Variants in TTC7A observed in about 807,000 individuals in gnomAD.
The protein encoded by TTC7A is tetratricopeptide repeat domain 7A.
In TTC7A, 110 loss-of-function variants were observed where a neutral mutation model predicts 103.7. The observed-to-expected ratio is 1.06, with a 90% CI of 0.91 to 1.24. TTC7A has a LOEUF of 1.24. Ranked by LOEUF, TTC7A falls within the 50% of genes most tolerant of loss-of-function variation. The pLI is 0.00. For synonymous variants in TTC7A, 521 were observed against 467.9 expected (o/e 1.11, Z -1.47); for missense variants, 1,340 against 1,116.3 (o/e 1.20, Z -2.86).
At chr2:46,958,605 C>A in intron 3 of TTC7A, 1 of 1,233,724 alleles carries the variant, frequency 8.1e-7, no homozygotes, top group Non-Finnish European at 1.1e-6. Flanking sequence ...GCTGTGCTAG[C>A]TCCCGTTCCC....
intron 2 of TTC7A, among the ~76,000 whole-genome samples, chr2:46,953,123 G>A (rs1406593272): frequency 6.6e-6 from 1 of 152,152 alleles, no homozygotes; most frequent in Non-Finnish European, 1.5e-5. Flanking sequence ...AAAACTTAAT[G>A]ATGATCTGTA....
intron 2 of TTC7A, among the ~76,000 whole-genome samples, chr2:46,951,888 A>G (rs1248210625): frequency 6.6e-6 from 1 of 152,244 alleles, no homozygotes; most frequent in Non-Finnish European, 1.5e-5. Flanking sequence ...TCAGCAAGTA[A>G]ATAGCCTTCC....
intron 14 of TTC7A, among the ~76,000 whole-genome samples, chr2:47,024,979 C>A (rs1004938104): frequency 6.6e-6 from 1 of 152,202 alleles, no homozygotes; most frequent in African/African-American, 2.4e-5. Flanking sequence ...GCGCCTCAGC[C>A]TGCAGGCTGG....
At chr2:47,024,403 T>G (rs1297079568) in intron 14 of TTC7A, 44 bp downstream of exon 14, 1 of 1,547,676 alleles carries the variant, frequency 6.5e-7, no homozygotes, top group African/African-American at 1.4e-5. Flanking sequence ...CGGGGGCTGC[T>G]GATCTTCTCC....
intron 19 of TTC7A, among the ~76,000 whole-genome samples, chr2:47,061,435 A>G (rs1683773624): frequency 6.6e-6 from 1 of 152,038 alleles, no homozygotes; most frequent in African/African-American, 2.4e-5. Context: ...GGTGGGATTC[A>G]GGGGGTTTTC....
intron 4 of TTC7A, among the ~76,000 whole-genome samples, chr2:46,977,546 C>G (rs1224107183): frequency 2.0e-5 from 3 of 152,178 alleles, no homozygotes; most frequent in Admixed American, 1.3e-4. Flanking sequence ...AGAGGGCTCT[C>G]AATTCTCTGG....
At chr2:47,059,874 G>T (rs983663851) in intron 18 of TTC7A, among the ~76,000 whole-genome samples, 1 of 152,150 alleles carries the variant, frequency 6.6e-6, no homozygotes, top group Non-Finnish European at 1.5e-5. Context: ...AAAAGTACTT[G>T]TGCAAGGTGC....
Position 46,995,137 on chromosome 2 carries a change from C to T in TTC7A, c.1003C>T (p.Leu335Phe), listed in dbSNP as rs1676046626. ...RKPHLYEGDNLYCPKDNIEEA... is the reference protein window; with the variant it reads ...RKPHLYEGDNFYCPKDNIEEA... ...AGGCCTGTCATTGGTGTCTTTCAGCCTCTACTGCCCCAAGGACAACATCGA... is the reference window on the plus strand; with the variant it reads ...AGGCCTGTCATTGGTGTCTTTCAGCTTCTACTGCCCCAAGGACAACATCGA... Residue 335 changes from leucine to phenylalanine, a missense_variant and splice_region_variant, in exon 8 of 20, where the codon CTC becomes TTC. By Grantham distance (22) the Leu-to-Phe change is conservative. Transcript: ENST00000319190. 4 of 1,614,058 alleles carry T rather than the reference C, an allele frequency of 2.5e-6. No individual in the cohort carries two copies. The African/African-American group carries it at 4.0e-5, about 16-fold the overall frequency.
intron 18 of TTC7A, among the ~76,000 whole-genome samples, chr2:47,057,687 C>A (rs1446434000): frequency 6.6e-6 from 1 of 152,192 alleles, no homozygotes; most frequent in African/African-American, 2.4e-5. Context: ...CACACACTTC[C>A]TTCTGCTTCT....
At chr2:46,974,454 G>A (rs1673657232) in intron 3 of TTC7A, among the ~76,000 whole-genome samples, 1 of 152,178 alleles carries the variant, frequency 6.6e-6, no homozygotes, top group Non-Finnish European at 1.5e-5. Flanking sequence ...ACTTTAGGAT[G>A]TAAATTGACT....
chr2:46,965,455 G>T (rs543910299), intron 3 of TTC7A, among the ~76,000 whole-genome samples: 51 of 152,294 alleles, frequency 3.3e-4, no homozygotes, highest in African/African-American at 1.2e-3. Context: ...GGAGAAGGAG[G>T]AGCAGGCTGC....
chr2:46,922,627 A>G (rs768305049), intron 2 of TTC7A, among the ~76,000 whole-genome samples: 122 of 152,138 alleles, frequency 8.0e-4, no homozygotes, highest in Admixed American at 1.8e-3. Flanking sequence ...TCTGGTTCAT[A>G]TGTACTTCAA....
chr2:46,994,616 T>G, intron 7 of TTC7A, 102 bp downstream of exon 7: 2 of 1,224,076 alleles, frequency 1.6e-6, no homozygotes, highest in Non-Finnish European at 2.3e-6. Context: ...TCCTCCAGTC[T>G]CCACTCAGCA....
intron 3 of TTC7A, among the ~76,000 whole-genome samples, chr2:46,959,725 C>G (rs1672208091): frequency 6.6e-6 from 1 of 152,218 alleles, no homozygotes; most frequent in African/African-American, 2.4e-5. Flanking sequence ...TGAAATGTGC[C>G]TCTGTGTGTT....
chr2:47,061,968 AAGG>A (rs1683818818), intron 19 of TTC7A, among the ~76,000 whole-genome samples: 1 of 152,190 alleles, frequency 6.6e-6, no homozygotes, highest in African/African-American at 2.4e-5. Context: ...AGAGAGTGTT[AAGG>A]AGAACAGCCA....
At chr2:47,045,929 C>T (rs759276060) in intron 15 of TTC7A, among the ~76,000 whole-genome samples, 3 of 152,194 alleles carry the variant, frequency 2.0e-5, no homozygotes, top group Non-Finnish European at 4.4e-5. Flanking sequence ...TGAGTGTAAG[C>T]CTGGTCCCAC....
chr2:46,937,782 G>A (rs1670054384), upstream of TTC7A, among the ~76,000 whole-genome samples: 1 of 152,204 alleles, frequency 6.6e-6, no homozygotes, highest in African/African-American at 2.4e-5. This position sits in a 1 kb window ranked among gnomAD's most constrained non-coding sequence, Gnocchi z 4.0. Flanking sequence ...AAGCTGAAGG[G>A]GTTTGGGGAA....
rs1676891654 is a variant in TTC7A, at chr2:47,002,191, A to G, written c.1066-3731A>G. Among the ~76,000 whole-genome samples the G allele has an allele frequency of 2.0e-5, 3 of 152,222 alleles. No homozygotes were observed. The South Asian group carries it at 6.2e-4, about 31-fold the overall frequency. On this transcript the variant is annotated intron_variant, in intron 8 of 19. Coordinates refer to ENST00000319190, the MANE Select transcript of TTC7A (RefSeq NM_020458.4). ...GAAGGACAAAGGCTAGGAGCAGGACAACTACACAAGCCCTAGGTTTAAATC... is the reference window on the plus strand; with the variant it reads ...GAAGGACAAAGGCTAGGAGCAGGACGACTACACAAGCCCTAGGTTTAAATC...
At chr2:46,932,207 T>G (rs1572652306) in intron 2 of TTC7A, among the ~76,000 whole-genome samples, 1 of 151,890 alleles carries the variant, frequency 6.6e-6, no homozygotes, top group Non-Finnish European at 1.5e-5. Context: ...TGGAGTGCAG[T>G]GGCGGGGTCT....
Sources: allele counts gnomAD v4.1 joint callset (sites outside exome capture counted in the v4.1 genomes callset), GRCh38; gene constraint gnomAD v4.1.1; non-coding constraint Gnocchi (gnomAD v3.1); transcripts MANE v1.5; gene names NCBI Gene and HGNC (gene_info 2026-07-23, HGNC 2026-07-21).